Variants in NUDT9 observed in about 807,000 individuals in gnomAD.
NUDT9 encodes ADP-ribose pyrophosphatase.
In NUDT9, 31 loss-of-function variants were observed where a neutral mutation model predicts 41.0. The observed-to-expected ratio is 0.76, with a 90% CI of 0.57 to 1.02. NUDT9 has a LOEUF of 1.02. Among genes scored for constraint, NUDT9 ranks in the 50% least tolerant of loss-of-function variants. The pLI is 0.00. For missense variants in NUDT9, 380 were observed against 431.4 expected (o/e 0.88, Z 1.06); for synonymous variants, 146 against 147.6 (o/e 0.99, Z 0.08).
rs1328202106 is a variant in NUDT9 at position 87,454,368 on chromosome 4, T to C, written c.790-3T>C. On this transcript the variant is annotated splice_polypyrimidine_tract_variant and splice_region_variant and intron_variant, in intron 6 of 7. Transcript: ENST00000302174. ...TAAAAAATTTGTCTTCTTTTGAAAA[T>C]AGATATATAAGGGATATGTTGATGA... 3.1e-6 allele frequency: 5 copies of C among 1,592,924 alleles called. No homozygotes were observed. In the African/African-American group the frequency reaches 4.0e-5, roughly 13 times the overall value.
intron 1 of NUDT9, among the ~76,000 whole-genome samples, chr4:87,433,847 C>G (rs1487392677): frequency 6.6e-6 from 1 of 152,014 alleles, no homozygotes; most frequent in African/African-American, 2.4e-5. Flanking sequence ...AAATTTTGCT[C>G]TAAAGGTTAC....
chr4:87,454,578 T>C (rs1266320004), intron 7 of NUDT9, 123 bp downstream of exon 7: 13 of 613,106 alleles, frequency 2.1e-5, no homozygotes, highest in Non-Finnish European at 3.7e-5. Context: ...ATTGTAGGAC[T>C]GTAGTTATAT....
intron 6 of NUDT9, among the ~76,000 whole-genome samples, chr4:87,453,518 C>T (rs1178391191): frequency 1.3e-5 from 2 of 152,072 alleles, no homozygotes; most frequent in South Asian, 2.1e-4. Context: ...CAACCTCTGC[C>T]TCACGGGTTC....
At chr4:87,425,662 T>C (rs534481252) in intron 1 of NUDT9, among the ~76,000 whole-genome samples, 93 of 145,652 alleles carry the variant, frequency 6.4e-4, no homozygotes, top group Non-Finnish European at 1.3e-3. Flanking sequence ...CTCAAAGTGC[T>C]GGTGAATACA....
At chr4:87,427,183 G>T (rs13143153) in intron 1 of NUDT9, among the ~76,000 whole-genome samples, 14,447 of 150,998 alleles carry the variant, frequency 0.096, 984 homozygotes, top group East Asian at 0.29. Flanking sequence ...GATCAAGTGA[G>T]TTAATTTACA....
chr4:87,423,558 A>G (rs1368717026), intron 1 of NUDT9, among the ~76,000 whole-genome samples: 3 of 152,130 alleles, frequency 2.0e-5, no homozygotes, highest in Non-Finnish European at 4.4e-5. Flanking sequence ...TCTTTGAGTT[A>G]GTAAACACAG....
chr4:87,448,138 ATTTTTTTT>A (rs1213818782), intron 4 of NUDT9, among the ~76,000 whole-genome samples: 13 of 92,384 alleles, frequency 1.4e-4, no homozygotes, highest in Non-Finnish European at 2.2e-4. Context: ...TTAAAAGCAA[ATTTTTTTT>A]TTTTTTTTTT....
At position 87,451,556 on chromosome 4, in the gene NUDT9, C is replaced by A. The variant is rs80197853; in HGVS notation, c.643-33C>A. The stretch of plus-strand genomic sequence containing the variant: ...ATTTGTTGAACAAATCAAAGCTGAT[C>A]CCTTTTTTCAAAATTTTTAATGTGA... On this transcript the variant is annotated intron_variant, in intron 5 of 7. Transcript: ENST00000302174. 3.2e-4 allele frequency: 503 copies of A among 1,577,898 alleles called. 13 individuals are homozygous for A. In the South Asian group the frequency reaches 3.8e-3, roughly 12 times the overall value.
chr4:87,452,961 G>A (rs1722824296), intron 6 of NUDT9, among the ~76,000 whole-genome samples: 1 of 151,546 alleles, frequency 6.6e-6, no homozygotes, highest in Non-Finnish European at 1.5e-5. Context: ...ACAAGCATGT[G>A]CCACCATGCC....
rs763933585 is a variant in NUDT9, at chr4:87,422,866, A to G, written c.-40A>G. On this transcript the variant is annotated 5_prime_UTR_variant, in exon 1 of 8. Coordinates refer to ENST00000302174, the MANE Select transcript of NUDT9 (RefSeq NM_024047.5). Reference sequence around the variant, plus strand: ...GTGTGGGGAGGCGGAGGCACCAACTAAGAGCGACCTAGCATCGCAAAGCCG... The same window carrying G: ...GTGTGGGGAGGCGGAGGCACCAACTGAGAGCGACCTAGCATCGCAAAGCCG... The G allele has an allele frequency of 3.2e-6, 5 of 1,549,336 alleles. No homozygotes were observed. The highest frequency in any genetic ancestry group is 4.4e-6 in the Non-Finnish European group (5 of 1,135,232).
At position 87,422,864 on chromosome 4, in the gene NUDT9, C is replaced by T; in HGVS notation, c.-42C>T. On this transcript the variant is annotated 5_prime_UTR_variant, in exon 1 of 8. Coordinates refer to ENST00000302174, the MANE Select transcript of NUDT9 (RefSeq NM_024047.5). ...GGGTGTGGGGAGGCGGAGGCACCAA[C>T]TAAGAGCGACCTAGCATCGCAAAGC... 1 of 1,545,202 alleles carries T rather than the reference C, an allele frequency of 6.5e-7. No individual in the cohort carries two copies. Among genetic ancestry groups the T allele is most frequent in the Non-Finnish European group, 8.8e-7 (1 of 1,132,132 alleles).
chr4:87,431,767 C>A (rs1721697165), intron 1 of NUDT9, among the ~76,000 whole-genome samples: 1 of 152,168 alleles, frequency 6.6e-6, no homozygotes, highest in African/African-American at 2.4e-5. Flanking sequence ...CTTACTGCAA[C>A]CTCCGCCTCT....
chr4:87,428,830 C>T (rs141173056), intron 1 of NUDT9, among the ~76,000 whole-genome samples: 9 of 152,240 alleles, frequency 5.9e-5, no homozygotes, highest in East Asian at 1.9e-4. Flanking sequence ...CATAGCCTCC[C>T]GCATTGTCAA....
intron 4 of NUDT9, among the ~76,000 whole-genome samples, chr4:87,447,114 C>T (rs934771772): frequency 2.0e-5 from 3 of 152,236 alleles, no homozygotes; most frequent in African/African-American, 7.2e-5. Flanking sequence ...TTTTCCCTCA[C>T]TGATGCCCAT....
At chr4:87,427,830 T>G (rs1721500619) in intron 1 of NUDT9, among the ~76,000 whole-genome samples, 1 of 152,200 alleles carries the variant, frequency 6.6e-6, no homozygotes, top group South Asian at 2.1e-4. Flanking sequence ...AATTAGAGAT[T>G]AGGGTTCCAT....
chr4:87,458,166 C>G lies in NUDT9; in HGVS notation c.*145C>G, dbSNP rs959555446. On this transcript the variant is annotated 3_prime_UTR_variant, in exon 8 of 8. Coordinates refer to ENST00000302174, the MANE Select transcript of NUDT9 (RefSeq NM_024047.5). ...AACAATTTGCATTTAGAGTGTTTCGCATCAGAATAACATGAGTAAGATGAA... is the reference window on the plus strand; with the variant it reads ...AACAATTTGCATTTAGAGTGTTTCGGATCAGAATAACATGAGTAAGATGAA... 5.0e-6 allele frequency: 3 copies of G among 602,582 alleles called. No individual in the cohort carries two copies. Among genetic ancestry groups the G allele is most frequent in the Non-Finnish European group, 5.0e-6 (2 of 400,738 alleles). 37.3% of individuals were successfully genotyped at this position (602,582 alleles called of 1,614,324 possible).
At chr4:87,439,080 T>C (rs1722081593) in intron 3 of NUDT9, among the ~76,000 whole-genome samples, 1 of 151,412 alleles carries the variant, frequency 6.6e-6, no homozygotes. Flanking sequence ...GGGAGGAGAA[T>C]TGCTTGAACC....
chr4:87,426,894 G>T (rs1721449402), intron 1 of NUDT9, among the ~76,000 whole-genome samples: 2 of 143,108 alleles, frequency 1.4e-5, no homozygotes, highest in African/African-American at 2.6e-5. Context: ...ACAAAATTGG[G>T]AGTCGCTCAG....
chr4:87,437,888 A>C (rs754982572), intron 2 of NUDT9, among the ~76,000 whole-genome samples: 2 of 152,208 alleles, frequency 1.3e-5, no homozygotes, highest in African/African-American at 2.4e-5. Flanking sequence ...TAGTAGAAAC[A>C]TCATCAGAAG....
Sources: gnomAD v4.1 joint callset for allele counts (sites outside exome capture counted in the v4.1 genomes callset) on GRCh38, gnomAD v4.1.1 for gene constraint, MANE v1.5 for transcripts, NCBI Gene and HGNC (gene_info 2026-07-23, HGNC 2026-07-21) for gene names.